Variants in ESYT2 observed in about 807,000 individuals in gnomAD.
ESYT2 encodes extended synaptotagmin-2.
A neutral mutation model predicts 107.2 loss-of-function variants in ESYT2; 54 were observed. The ratio of observed to expected loss-of-function variants is 0.50; its 90% confidence interval spans 0.40 to 0.63. The LOEUF is 0.63. Among genes scored for constraint, ESYT2 ranks in the 30% least tolerant of loss-of-function variants. ESYT2 has a pLI of 0.00. For missense variants in ESYT2, 1,020 were observed against 1,094.5 expected, an observed-to-expected ratio of 0.93 and a Z score of 0.96; for synonymous variants, 491 against 434.1, an observed-to-expected ratio of 1.13 and a Z score of -1.63.
rs1300534554 is a variant in ESYT2, at chr7:158,788,103, A to G, written c.658-10T>C. 14 of 1,609,326 alleles carry G rather than the reference A, an allele frequency of 8.7e-6. No individual in the cohort carries two copies. The highest frequency in any genetic ancestry group is 1.7e-4 in the Middle Eastern group (1 of 6,054). ...GCATGGTACCATGAATCTAAACTCA[A>G]ACAGGAAACCAAAATATGTAATAGA... On this transcript the variant is annotated splice_polypyrimidine_tract_variant and intron_variant, in intron 5 of 22. Coordinates refer to ENST00000275418, the MANE Select transcript of ESYT2 (RefSeq NM_001367773.1).
intron 1 of ESYT2, among the ~76,000 whole-genome samples, chr7:158,818,046 C>T (rs1031092614): frequency 5.9e-5 from 9 of 152,190 alleles, no homozygotes; most frequent in Admixed American, 4.6e-4. Context: ...AACAACTCCA[C>T]ATATAATACA....
rs1021693202 is a variant in ESYT2, at chr7:158,734,087, T to C, written c.*120A>G. Reference sequence around the variant, plus strand: ...AATGTCAACAATTTTATAAAACTATTAAGGTATGTATAACTAAATCCATGA... The same window carrying C: ...AATGTCAACAATTTTATAAAACTATCAAGGTATGTATAACTAAATCCATGA... On this transcript the variant is annotated 3_prime_UTR_variant, in exon 23 of 23. Transcript: ENST00000275418. 5 of 1,183,658 alleles carry C rather than the reference T, an allele frequency of 4.2e-6. No individual in the cohort carries two copies. Among genetic ancestry groups the C allele is most frequent in the Middle Eastern group, 2.2e-4 (1 of 4,592 alleles). The allele number at this position is 1,183,658 out of a possible 1,614,324, so 73.3% of individuals were successfully genotyped here.
intron 1 of ESYT2, among the ~76,000 whole-genome samples, chr7:158,826,197 T>C (rs1318199385): frequency 6.6e-6 from 1 of 152,152 alleles, no homozygotes; most frequent in Non-Finnish European, 1.5e-5. Flanking sequence ...ATTATGAAAA[T>C]AAAGTATATT....
chr7:158,756,030 GTAAA>G (rs1486538420), intron 13 of ESYT2, among the ~76,000 whole-genome samples: 3 of 152,174 alleles, frequency 2.0e-5, no homozygotes, highest in Admixed American at 6.5e-5. Context: ...AAATAATTAA[GTAAA>G]TAAATAAACA....
chr7:158,816,913 T>C (rs1387757044), intron 1 of ESYT2, among the ~76,000 whole-genome samples: 2 of 152,234 alleles, frequency 1.3e-5, no homozygotes, highest in Admixed American at 6.5e-5. Flanking sequence ...CAGATATTAA[T>C]GTAGACGGTG....
At chr7:158,776,087 T>A (rs1838551569) in intron 6 of ESYT2, among the ~76,000 whole-genome samples, 1 of 152,212 alleles carries the variant, frequency 6.6e-6, no homozygotes, top group African/African-American at 2.4e-5. Flanking sequence ...CTTTTTTTTC[T>A]GAGCAGCAGG....
At chr7:158,797,727 G>A (rs1035252277) in intron 3 of ESYT2, among the ~76,000 whole-genome samples, 12 of 151,752 alleles carry the variant, frequency 7.9e-5, no homozygotes, top group Non-Finnish European at 1.8e-4. Context: ...GGTGGAGGGC[G>A]CCTGTAGTCC....
At chr7:158,803,221 C>T (rs1042935709) in intron 1 of ESYT2, among the ~76,000 whole-genome samples, 6 of 152,220 alleles carry the variant, frequency 3.9e-5, no homozygotes, top group Non-Finnish European at 8.8e-5. Context: ...CTGAAAACAC[C>T]AACGTTCCTA....
chr7:158,777,833 C>T (rs1838623439), intron 6 of ESYT2, among the ~76,000 whole-genome samples: 1 of 152,090 alleles, frequency 6.6e-6, no homozygotes, highest in Non-Finnish European at 1.5e-5. Context: ...GATCACTGAC[C>T]ACAGATCACA....
At chr7:158,744,646 G>A (rs1000231625) in intron 16 of ESYT2, among the ~76,000 whole-genome samples, 4 of 152,168 alleles carry the variant, frequency 2.6e-5, no homozygotes, top group African/African-American at 9.7e-5. Flanking sequence ...TTACAGGTGT[G>A]AGCCACCATG....
intron 6 of ESYT2, among the ~76,000 whole-genome samples, chr7:158,786,209 C>T (rs1018440551): frequency 2.6e-5 from 4 of 152,132 alleles, no homozygotes; most frequent in Non-Finnish European, 5.9e-5. Flanking sequence ...TAAGTAACAG[C>T]ACTATTAAAT....
chr7:158,743,728 G>A lies in ESYT2; in HGVS notation c.1645-50C>T, dbSNP rs547793636. On this transcript the variant is annotated intron_variant, in intron 16 of 22. Transcript: ENST00000275418. ...TGGCATAACTAGGATCATGTCTGCA[G>A]AACCTTTCTACGTTGTCTACGCTCC... The A allele has an allele frequency of 1.5e-5, 24 of 1,571,626 alleles. No individual in the cohort carries two copies. The South Asian group carries it at 1.9e-4, about 12-fold the overall frequency.
intron 6 of ESYT2, among the ~76,000 whole-genome samples, chr7:158,774,852 G>A (rs929124789): frequency 6.6e-6 from 1 of 152,180 alleles, no homozygotes; most frequent in Admixed American, 6.5e-5. Flanking sequence ...TGCTCCATCC[G>A]CAGAGCTGTG....
chr7:158,797,128 T>C (rs963740383), intron 3 of ESYT2, among the ~76,000 whole-genome samples: 1 of 152,064 alleles, frequency 6.6e-6, no homozygotes, highest in Non-Finnish European at 1.5e-5. Flanking sequence ...TGGTGAACAA[T>C]TTTCTTCAGA....
chr7:158,808,967 T>G (rs963925506), intron 1 of ESYT2, among the ~76,000 whole-genome samples: 1 of 151,562 alleles, frequency 6.6e-6, no homozygotes, highest in Non-Finnish European at 1.5e-5. Flanking sequence ...CAGAGTGAGA[T>G]TCTATCTCAG....
intron 1 of ESYT2, among the ~76,000 whole-genome samples, chr7:158,824,715 G>A (rs1046300515): frequency 3.3e-5 from 5 of 152,158 alleles, no homozygotes; most frequent in African/African-American, 1.2e-4. Context: ...ATTATCCATA[G>A]CAGCCATACA....
intron 1 of ESYT2, among the ~76,000 whole-genome samples, chr7:158,799,534 G>A (rs1168238149): frequency 6.6e-6 from 1 of 152,168 alleles, no homozygotes; most frequent in East Asian, 1.9e-4. Flanking sequence ...GCTGAGGTAG[G>A]AGGATCCCTT....
intron 21 of ESYT2, among the ~76,000 whole-genome samples, 186 bp downstream of exon 21, chr7:158,735,317 A>G (rs1056706928): frequency 6.6e-6 from 1 of 152,240 alleles, no homozygotes; most frequent in Non-Finnish European, 1.5e-5. Flanking sequence ...GTGAAGACTT[A>G]ACTTAAAATA....
At chr7:158,784,206 C>T (rs1454452359) in intron 6 of ESYT2, among the ~76,000 whole-genome samples, 2 of 152,156 alleles carry the variant, frequency 1.3e-5, no homozygotes, top group African/African-American at 2.4e-5. Context: ...CCCAGAAAGT[C>T]GGGGAAAAGA....
Sources: gnomAD v4.1 joint callset for allele counts (sites outside exome capture counted in the v4.1 genomes callset) on GRCh38, gnomAD v4.1.1 for gene constraint, MANE v1.5 for transcripts, NCBI Gene and HGNC (gene_info 2026-07-23, HGNC 2026-07-21) for gene names.